ATP9A: variants seen among roughly 807,000 people sequenced by gnomAD.
ATP9A encodes probable phospholipid-transporting ATPase IIA.
In ATP9A, 52 loss-of-function variants were observed where a neutral mutation model predicts 144.1. The ratio of observed to expected loss-of-function variants is 0.36; its 90% CI spans 0.29 to 0.45. ATP9A has a LOEUF of 0.45. ATP9A is among the 20% of genes least tolerant of loss of function. The probability of loss-of-function intolerance (pLI) is 1.00; values close to 1 mark genes in which losing one functional copy is unlikely to be tolerated. For synonymous variants in ATP9A, 582 were observed against 557.4 expected, an observed-to-expected ratio of 1.04 and a Z score of -0.62; for missense variants, 947 against 1,392.7, an observed-to-expected ratio of 0.68 and a Z score of 5.09.
At chr20:51,728,941 G>T (rs938255754) in intron 2 of ATP9A, among the ~76,000 whole-genome samples, 7 of 152,144 alleles carry the variant, frequency 4.6e-5, no homozygotes, top group Admixed American at 1.3e-4. Flanking sequence ...GATAAAAATA[G>T]ATATTTAATT....
At chr20:51,750,090 G>A (rs769047396) in intron 1 of ATP9A, among the ~76,000 whole-genome samples, 1 of 152,148 alleles carries the variant, frequency 6.6e-6, no homozygotes, top group Non-Finnish European at 1.5e-5. Context: ...GGGAGGCGGA[G>A]GTTGCGGTGA....
At chr20:51,689,426 G>A (rs958898514) in intron 8 of ATP9A, among the ~76,000 whole-genome samples, 1 of 152,152 alleles carries the variant, frequency 6.6e-6, no homozygotes, top group Non-Finnish European at 1.5e-5. Context: ...GAATCAAAAC[G>A]TAAAAGCAAA....
At chr20:51,613,338 T>C (rs755097420) in intron 23 of ATP9A, among the ~76,000 whole-genome samples, 1 of 152,206 alleles carries the variant, frequency 6.6e-6, no homozygotes, top group Non-Finnish European at 1.5e-5. Context: ...AAATAACTCA[T>C]GTACACTCCA....
chr20:51,763,165 G>A (rs1333030123), intron 1 of ATP9A, among the ~76,000 whole-genome samples: 3 of 152,154 alleles, frequency 2.0e-5, no homozygotes, highest in African/African-American at 7.2e-5. Flanking sequence ...GCGGATCACT[G>A]GTTGCCTGGG....
At chr20:51,616,664 CTT>C (rs997721960) in intron 22 of ATP9A, among the ~76,000 whole-genome samples, 40 of 152,272 alleles carry the variant, frequency 2.6e-4, no homozygotes, top group African/African-American at 9.4e-4. Context: ...CTTCTTGCCT[CTT>C]GTCATTTAGA....
At chr20:51,694,597 T>C (rs1185676062) in intron 6 of ATP9A, among the ~76,000 whole-genome samples, 2 of 152,124 alleles carry the variant, frequency 1.3e-5, no homozygotes, top group Non-Finnish European at 2.9e-5. Flanking sequence ...AAAGTGGAGA[T>C]AGGAACAGCA....
At chr20:51,603,883 C>T (rs776614339) in intron 27 of ATP9A, among the ~76,000 whole-genome samples, 26 of 152,156 alleles carry the variant, frequency 1.7e-4, no homozygotes, top group African/African-American at 5.8e-4. Context: ...CGGGTTCAGG[C>T]GATTCTTCTG....
At chr20:51,628,896 A>AT in intron 16 of ATP9A, 84 bp downstream of exon 16, 1 of 1,185,920 alleles carries the variant, frequency 8.4e-7, no homozygotes, top group South Asian at 1.3e-5. Context: ...GATAACAAAT[A>AT]CAGAGACCCA....
intron 15 of ATP9A, among the ~76,000 whole-genome samples, chr20:51,634,182 ACTT>A (rs1489729226): frequency 1.3e-5 from 2 of 152,206 alleles, no homozygotes; most frequent in South Asian, 4.1e-4. Context: ...TATGCCATTC[ACTT>A]CTTCTAGGAT....
chr20:51,721,229 C>T (rs2077687669), intron 3 of ATP9A, among the ~76,000 whole-genome samples: 1 of 152,258 alleles, frequency 6.6e-6, no homozygotes, highest in Non-Finnish European at 1.5e-5. Flanking sequence ...AAATCCTTAT[C>T]ATCCCTCACC....
At chr20:51,676,333 T>G in intron 9 of ATP9A, 125 bp from the exon 10 acceptor site, 1 of 672,912 alleles carries the variant, frequency 1.5e-6, no homozygotes, top group Non-Finnish European at 2.4e-6. Flanking sequence ...GACAGAGTCT[T>G]GCTCTGTTGC....
intron 3 of ATP9A, among the ~76,000 whole-genome samples, chr20:51,714,089 T>C (rs1166214521): frequency 6.6e-6 from 1 of 151,804 alleles, no homozygotes; most frequent in Non-Finnish European, 1.5e-5. Context: ...GTCTTTTTAG[T>C]AGAGACGAGG....
At chr20:51,756,694 T>C (rs1601147845) in intron 1 of ATP9A, among the ~76,000 whole-genome samples, 1 of 152,260 alleles carries the variant, frequency 6.6e-6, no homozygotes, top group South Asian at 2.1e-4. Context: ...AAAGGCCCCC[T>C]GTCTCCAAAT....
intron 9 of ATP9A, among the ~76,000 whole-genome samples, chr20:51,677,431 A>C (rs2077482235): frequency 6.6e-6 from 1 of 152,134 alleles, no homozygotes; most frequent in South Asian, 2.1e-4. Context: ...TGGAACAGAG[A>C]AGACCCAGAG....
chr20:51,617,704 T>A, intron 21 of ATP9A, 150 bp from the exon 22 acceptor site: 1 of 889,526 alleles, frequency 1.1e-6, no homozygotes, highest in Non-Finnish European at 1.8e-6. Flanking sequence ...ACCCCTTGAC[T>A]ACCAAGATCC....
chr20:51,689,273 G>A (rs1313308700), intron 8 of ATP9A, 134 bp from the exon 9 acceptor site: 17 of 793,144 alleles, frequency 2.1e-5, no homozygotes, highest in Non-Finnish European at 3.0e-5. Context: ...TTTGGAAGCC[G>A]ACGGCTCCAC....
intron 1 of ATP9A, among the ~76,000 whole-genome samples, chr20:51,751,253 T>G (rs1362146512): frequency 3.7e-5 from 5 of 133,990 alleles, no homozygotes; most frequent in Non-Finnish European, 6.6e-5. Flanking sequence ...CGTTTCTGGG[T>G]TTTTTTTGTT....
At chr20:51,678,976 C>T (rs6021372) in intron 9 of ATP9A, among the ~76,000 whole-genome samples, 81,945 of 151,838 alleles carry the variant, frequency 0.54, 23,543 homozygotes, top group African/African-American at 0.74. Context: ...TGCACGGTGC[C>T]TTCAAGGTTC....
chr20:51,732,218 C>G (rs1326645862), intron 1 of ATP9A, among the ~76,000 whole-genome samples: 6 of 152,106 alleles, frequency 3.9e-5, no homozygotes, highest in Non-Finnish European at 7.4e-5. Context: ...CTTTATTAAA[C>G]AAGGCACTCT....
Sources: gnomAD v4.1 joint callset for allele counts (sites outside exome capture counted in the v4.1 genomes callset) on GRCh38, gnomAD v4.1.1 for gene constraint, MANE v1.5 for transcripts, NCBI Gene and HGNC (gene_info 2026-07-23, HGNC 2026-07-21) for gene names.